ARFGEF2: variants seen among roughly 807,000 people sequenced by gnomAD.
ARFGEF2 encodes brefeldin A-inhibited guanine nucleotide-exchange protein 2.
Under a neutral mutation model 219.9 loss-of-function variants are expected in ARFGEF2, and 74 were observed. The observed-to-expected ratio is 0.34, with a 90% CI of 0.28 to 0.41. The LOEUF (loss-of-function observed/expected upper bound fraction) is 0.41, where lower values mean the gene tolerates loss of function less well. ARFGEF2 is among the 10% of genes least tolerant of loss of function. The pLI is 1.00. For missense variants in ARFGEF2, 1,743 were observed against 2,218.3 expected, an observed-to-expected ratio of 0.79 and a Z score of 4.30; for synonymous variants, 733 against 799.2, an observed-to-expected ratio of 0.92 and a Z score of 1.40.
intron 1 of ARFGEF2, among the ~76,000 whole-genome samples, chr20:48,923,673 C>T (rs902224004): frequency 2.6e-5 from 4 of 152,200 alleles, no homozygotes; most frequent in African/African-American, 7.2e-5. Context: ...TGAAATCTGC[C>T]TGGACTCTAT....
intron 6 of ARFGEF2, among the ~76,000 whole-genome samples, chr20:48,956,511 T>C (rs1296090656): frequency 1.3e-5 from 2 of 152,238 alleles, no homozygotes; most frequent in Non-Finnish European, 2.9e-5. Context: ...CATCAGTGTG[T>C]GTACATTTTT....
At chr20:48,954,703 AATGT>A (rs1288139537) in intron 6 of ARFGEF2, among the ~76,000 whole-genome samples, 1 of 152,124 alleles carries the variant, frequency 6.6e-6, no homozygotes, top group Non-Finnish European at 1.5e-5. Context: ...TTGTTGCTGG[AATGT>A]TGTTTGGTAT....
intron 14 of ARFGEF2, among the ~76,000 whole-genome samples, chr20:48,982,991 C>T (rs189754793): frequency 2.0e-5 from 3 of 152,150 alleles, no homozygotes; most frequent in East Asian, 3.9e-4. Flanking sequence ...GCTCACCCTA[C>T]GTGGGCTGCA....
chr20:48,999,604 C>T (rs1318984468), intron 25 of ARFGEF2, among the ~76,000 whole-genome samples: 11 of 151,524 alleles, frequency 7.3e-5, no homozygotes, highest in African/African-American at 1.7e-4. Context: ...AAGTTTAGCC[C>T]GGCGTGGTGG....
At chr20:48,944,802 TAACCAGG>T (rs2091016186) in intron 3 of ARFGEF2, among the ~76,000 whole-genome samples, 1 of 152,128 alleles carries the variant, frequency 6.6e-6, no homozygotes, top group Non-Finnish European at 1.5e-5. Flanking sequence ...TCTGTGTTCT[TAACCAGG>T]GGTCATCAGC....
In ARFGEF2 at chr20:49,025,331, GAT is replaced by G; in HGVS notation, c.4777_4778del (p.Ile1593ProfsTer11). The G allele has an allele frequency of 1.9e-6, 3 of 1,612,588 alleles. No homozygotes were observed. Among genetic ancestry groups the G allele is most frequent in the Non-Finnish European group, 2.5e-6 (3 of 1,179,276 alleles). On this transcript the variant is annotated frameshift_variant, in exon 36 of 39. Transcript: ENST00000371917. LOFTEE classifies it high-confidence loss of function. ...VAAQQDTLDA[D>X]IHIETEDQGM... ...CCTCTAGCAAGACACGCTGGATGCA[GAT>G]ATCCACATAGAGACGGAGGATCAGG...
intron 7 of ARFGEF2, among the ~76,000 whole-genome samples, chr20:48,964,366 C>G (rs1331007023): frequency 6.6e-6 from 1 of 152,190 alleles, no homozygotes; most frequent in Non-Finnish European, 1.5e-5. Context: ...GAACGCACCA[C>G]TGCACTTCAG....
chr20:48,953,414 A>C, intron 5 of ARFGEF2, 142 bp from the exon 6 acceptor site: 1 of 784,078 alleles, frequency 1.3e-6, no homozygotes, highest in Non-Finnish European at 2.2e-6. Flanking sequence ...GGGTTCAAGA[A>C]TTCCTGCTGC....
At chr20:48,970,668 A>G (rs2091221177) in intron 9 of ARFGEF2, among the ~76,000 whole-genome samples, 1 of 152,210 alleles carries the variant, frequency 6.6e-6, no homozygotes, top group Admixed American at 6.5e-5. Context: ...AAAATAGTTC[A>G]TGAAAATGTA....
chr20:49,011,831 A>C, intron 27 of ARFGEF2, 93 bp from the exon 28 acceptor site: 2 of 1,112,742 alleles, frequency 1.8e-6, no homozygotes, highest in South Asian at 1.3e-5. Context: ...TCTCTGATGT[A>C]TGTGTGTGTG....
In ARFGEF2 at chr20:49,025,287, C is replaced by T. The variant is rs754621555; in HGVS notation, c.4756-26C>T. ...GAGCATTCCATCTTCTTCATTAGCT[C>T]TTCTATCCTCTGTCCTGTCCTCTAG... is the stretch of plus-strand genomic sequence containing the variant. On this transcript the variant is annotated intron_variant, in intron 35 of 38. Coordinates refer to ENST00000371917, the MANE Select transcript of ARFGEF2 (RefSeq NM_006420.3). 4 of 1,595,842 alleles carry T rather than the reference C, an allele frequency of 2.5e-6. No homozygotes were observed. In the South Asian group the frequency reaches 4.5e-5, roughly 18 times the overall value.
At chr20:48,956,228 A>C (rs189853374) in intron 6 of ARFGEF2, among the ~76,000 whole-genome samples, 2 of 152,214 alleles carry the variant, frequency 1.3e-5, no homozygotes, top group Non-Finnish European at 2.9e-5. Flanking sequence ...TCACATGGCC[A>C]ACCCTAACTG....
chr20:49,022,060 C>T (rs559235474), intron 34 of ARFGEF2, among the ~76,000 whole-genome samples: 10 of 140,718 alleles, frequency 7.1e-5, no homozygotes, highest in South Asian at 7.0e-4. Flanking sequence ...GAGGCTGAGG[C>T]GGGAGAATCA....
intron 6 of ARFGEF2, among the ~76,000 whole-genome samples, chr20:48,955,695 A>G (rs937091858): frequency 2.0e-5 from 3 of 152,214 alleles, no homozygotes; most frequent in African/African-American, 7.2e-5. Flanking sequence ...CTTTCCCAGG[A>G]ACATGGGAAT....
intron 23 of ARFGEF2, 110 bp downstream of exon 23, chr20:48,995,992 T>C: frequency 9.1e-6 from 9 of 994,398 alleles, no homozygotes; most frequent in Non-Finnish European, 1.4e-5. Flanking sequence ...CAAGTGTTGT[T>C]AGCTACAAAT....
intron 1 of ARFGEF2, among the ~76,000 whole-genome samples, chr20:48,937,375 TGGA>T (rs1440634009): frequency 6.6e-6 from 1 of 152,232 alleles, no homozygotes; most frequent in African/African-American, 2.4e-5. Context: ...CTGGGCCTAG[TGGA>T]GAAGACTTTT....
At position 48,984,426 on chromosome 20, in the gene ARFGEF2, G is replaced by T. The variant is rs1216965983; in HGVS notation, c.1959-303G>T. On this transcript the variant is annotated intron_variant, in intron 14 of 38. Coordinates refer to ENST00000371917, the MANE Select transcript of ARFGEF2 (RefSeq NM_006420.3). Reference sequence around the variant, plus strand: ...ATCACATGGCCATCCTTTATTTAAGGGAGGCAGGGAAATGTTCTTTTTATT... The same window carrying T: ...ATCACATGGCCATCCTTTATTTAAGTGAGGCAGGGAAATGTTCTTTTTATT... 3.3e-5 allele frequency among the ~76,000 whole-genome samples: 5 copies of T among 152,166 alleles called. No homozygotes were observed. The East Asian group carries it at 9.6e-4, about 29-fold the overall frequency.
intron 34 of ARFGEF2, among the ~76,000 whole-genome samples, chr20:49,022,779 T>C (rs1201144249): frequency 6.6e-6 from 1 of 151,576 alleles, no homozygotes; most frequent in Non-Finnish European, 1.5e-5. Flanking sequence ...GGAGCAGAGA[T>C]TTTTTTTTGT....
chr20:49,022,945 T>C, intron 34 of ARFGEF2, 106 bp from the exon 35 acceptor site: 1 of 1,468,000 alleles, frequency 6.8e-7, no homozygotes, highest in South Asian at 1.1e-5. Flanking sequence ...TGAGACCCCA[T>C]CTCTTAAAAA....
Sources: gnomAD v4.1 joint callset for allele counts (sites outside exome capture counted in the v4.1 genomes callset) on GRCh38, gnomAD v4.1.1 for gene constraint, MANE v1.5 for transcripts, NCBI Gene and HGNC (gene_info 2026-07-23, HGNC 2026-07-21) for gene names.